Variants in HECW2 observed in about 807,000 individuals in gnomAD.
HECW2 encodes the protein HECT, C2 and WW domain containing E3 ubiquitin protein ligase 2.
In HECW2, 61 loss-of-function variants were observed where a neutral mutation model predicts 175.2. The ratio of observed to expected loss-of-function variants is 0.35; its 90% CI spans 0.28 to 0.43. The LOEUF is 0.43. Ranked by LOEUF, HECW2 falls within the 20% of genes least tolerant of loss-of-function variation. The probability of loss-of-function intolerance (pLI) is 1.00; values close to 1 mark genes in which losing one functional copy is unlikely to be tolerated. For synonymous variants in HECW2, 671 were observed against 731.0 expected, an observed-to-expected ratio of 0.92 and a Z score of 1.32; for missense variants, 1,524 against 2,000.5, an observed-to-expected ratio of 0.76 and a Z score of 4.54.
chr2:196,505,947 G>A (rs1020375859), intron 1 of HECW2, among the ~76,000 whole-genome samples: 4 of 152,158 alleles, frequency 2.6e-5, no homozygotes, highest in African/African-American at 9.7e-5. Flanking sequence ...ATGTCATATG[G>A]TGATAAGTGC....
chr2:196,502,935 T>C (rs1687625978), intron 1 of HECW2, among the ~76,000 whole-genome samples: 1 of 152,198 alleles, frequency 6.6e-6, no homozygotes, highest in African/African-American at 2.4e-5. Flanking sequence ...AGCTAATAAA[T>C]ATGATCTCTT....
At chr2:196,282,886 G>C (rs1690239208) in intron 14 of HECW2, among the ~76,000 whole-genome samples, 1 of 152,112 alleles carries the variant, frequency 6.6e-6, no homozygotes. Context: ...GTCCTTGGCT[G>C]AGAGGAGGGG....
At chr2:196,470,294 CA>C (rs879481922) in intron 1 of HECW2, among the ~76,000 whole-genome samples, 118 of 130,712 alleles carry the variant, frequency 9.0e-4, no homozygotes, top group Non-Finnish European at 8.5e-4. Context: ...ACCTTGTCTC[CA>C]AAAAAAAAAA....
At chr2:196,532,571 T>C (rs1342360275) in intron 1 of HECW2, among the ~76,000 whole-genome samples, 2 of 152,072 alleles carry the variant, frequency 1.3e-5, no homozygotes, top group Non-Finnish European at 2.9e-5. Flanking sequence ...AGCACGTGTA[T>C]ACCAATGTAT....
At chr2:196,483,527 G>A (rs1021233829) in intron 1 of HECW2, among the ~76,000 whole-genome samples, 1 of 152,142 alleles carries the variant, frequency 6.6e-6, no homozygotes, top group Non-Finnish European at 1.5e-5. Flanking sequence ...CAAGAAAACC[G>A]ATAGTACCTT....
intron 17 of HECW2, among the ~76,000 whole-genome samples, chr2:196,267,836 T>C (rs1689573772): frequency 6.6e-6 from 1 of 152,218 alleles, no homozygotes; most frequent in African/African-American, 2.4e-5. Flanking sequence ...ACCACTTTTA[T>C]CATTATATTA....
chr2:196,257,942 G>T, intron 17 of HECW2, 36 bp from the exon 18 acceptor site: 1 of 1,454,402 alleles, frequency 6.9e-7, no homozygotes, highest in Non-Finnish European at 9.7e-7. Context: ...AATGTATATG[G>T]TAGACCTTTA....
At chr2:196,315,189 T>C (rs1012517907) in intron 10 of HECW2, among the ~76,000 whole-genome samples, 150 of 146,446 alleles carry the variant, frequency 1.0e-3, no homozygotes, top group African/African-American at 3.0e-3. Flanking sequence ...TGTGTGTGTG[T>C]GCATAACTTA....
intron 1 of HECW2, among the ~76,000 whole-genome samples, chr2:196,451,431 C>CAAAA (rs1383013336): frequency 3.0e-5 from 2 of 65,918 alleles, no homozygotes; most frequent in African/African-American, 5.3e-5. Flanking sequence ...GACTCCGTCT[C>CAAAA]AAAAAAAAAA....
In HECW2 at chr2:196,369,342, G is replaced by GTCTCTCTCTCTCTCTCTC. The variant is rs71410611; in HGVS notation, c.293-25596_293-25579dup. On this transcript the variant is annotated intron_variant, in intron 2 of 28. Transcript: ENST00000644978. ...CCCTTACTCCTCCTAAACAAATGGA[G>GTCTCTCTCTCTCTCTCTC]TCTCTCTCTCTCTCTCTCTCTCTCT... Among the ~76,000 whole-genome samples the GTCTCTCTCTCTCTCTCTC allele has an allele frequency of 7.0e-3, 918 of 131,446 alleles. 16 individuals are homozygous for GTCTCTCTCTCTCTCTCTC. The highest frequency in any genetic ancestry group is 0.012 in the Middle Eastern group (3 of 250). The allele number at this position is 131,446 out of a possible 152,430, so 86.2% of individuals were successfully genotyped here.
chr2:196,334,572 G>C, intron 3 of HECW2, 54 bp from the exon 4 acceptor site: 1 of 1,405,690 alleles, frequency 7.1e-7, no homozygotes, highest in Non-Finnish European at 9.8e-7. Flanking sequence ...AGTCATGGAG[G>C]AATCAGCTGT....
chr2:196,470,920 C>T (rs1326042024), intron 1 of HECW2, among the ~76,000 whole-genome samples: 8 of 147,562 alleles, frequency 5.4e-5, no homozygotes, highest in Admixed American at 5.4e-4. Flanking sequence ...TATGAATAAG[C>T]AAGTTACAGA....
intron 3 of HECW2, among the ~76,000 whole-genome samples, chr2:196,335,576 T>C (rs1692521548): frequency 6.6e-6 from 1 of 152,198 alleles, no homozygotes; most frequent in South Asian, 2.1e-4. Context: ...CTGTACCAAA[T>C]GGCCTCCTGC....
At chr2:196,405,236 T>C (rs1253251361) in intron 2 of HECW2, among the ~76,000 whole-genome samples, 1 of 152,100 alleles carries the variant, frequency 6.6e-6, no homozygotes, top group South Asian at 2.1e-4. Flanking sequence ...AAACCACACC[T>C]GCAGTCCAGC....
intron 2 of HECW2, among the ~76,000 whole-genome samples, chr2:196,373,921 A>G (rs1342202853): frequency 6.6e-6 from 1 of 151,252 alleles, no homozygotes; most frequent in African/African-American, 2.4e-5. Context: ...AGTCCCAGCT[A>G]CTTGGGAGGC....
intron 13 of HECW2, among the ~76,000 whole-genome samples, chr2:196,303,967 C>CCATGCCTTACCACAGTAGCTT (rs1458087769): frequency 1.3e-3 from 196 of 152,330 alleles, no homozygotes; most frequent in Non-Finnish European, 2.1e-3. Context: ...CAAGCCACTT[C>CCATGCCTTACCACAGTAGCTT]CATGCCTTAC....
chr2:196,396,139 T>C (rs1694655801), intron 2 of HECW2, among the ~76,000 whole-genome samples: 1 of 152,214 alleles, frequency 6.6e-6, no homozygotes, highest in Non-Finnish European at 1.5e-5. Flanking sequence ...ATTGTATGAT[T>C]CCACATACAT....
intron 1 of HECW2, among the ~76,000 whole-genome samples, chr2:196,487,299 G>A (rs187932254): frequency 2.0e-4 from 31 of 152,264 alleles, no homozygotes; most frequent in African/African-American, 7.5e-4. Context: ...GTGTGACAGA[G>A]CAAGACCCTG....
chr2:196,218,983 A>T (rs182388958), intron 26 of HECW2, among the ~76,000 whole-genome samples: 9 of 152,360 alleles, frequency 5.9e-5, no homozygotes, highest in African/African-American at 2.2e-4. Flanking sequence ...GAGCTGGAAC[A>T]GGCAAGCACA....
Sources: allele counts gnomAD v4.1 joint callset (sites outside exome capture counted in the v4.1 genomes callset), GRCh38; gene constraint gnomAD v4.1.1; transcripts MANE v1.5; gene names NCBI Gene and HGNC (gene_info 2026-07-23, HGNC 2026-07-21).